IFT43: variants seen among roughly 807,000 people sequenced by gnomAD.
IFT43 encodes intraflagellar transport protein 43 homolog.
A neutral mutation model predicts 32.3 loss-of-function variants in IFT43; 33 were observed. That is an observed-to-expected ratio of 1.02 (90% CI 0.77 to 1.37). The LOEUF (loss-of-function observed/expected upper bound fraction) is 1.37. Among genes scored for constraint, IFT43 ranks in the 40% most tolerant of loss-of-function variants. The probability of loss-of-function intolerance (pLI) is 0.00; values close to 1 mark genes in which losing one functional copy is unlikely to be tolerated. For missense variants in IFT43, 274 were observed against 265.9 expected (o/e 1.03, Z -0.21); for synonymous variants, 93 against 98.2 (o/e 0.95, Z 0.31).
At chr14:76,012,203 A>G (rs1228936191) in intron 2 of IFT43, among the ~76,000 whole-genome samples, 1 of 152,184 alleles carries the variant, frequency 6.6e-6, no homozygotes, top group Non-Finnish European at 1.5e-5. Flanking sequence ...TTTTGGGGTT[A>G]GGGTGGAGTT....
At chr14:76,056,934 C>A (rs1248126789) in intron 3 of IFT43, among the ~76,000 whole-genome samples, 1 of 152,216 alleles carries the variant, frequency 6.6e-6, no homozygotes, top group Non-Finnish European at 1.5e-5. Context: ...ATGCCCTGGG[C>A]ACCCTGCAGT....
chr14:75,998,629 G>C (rs941855505), intron 2 of IFT43, among the ~76,000 whole-genome samples: 14 of 152,316 alleles, frequency 9.2e-5, no homozygotes, highest in African/African-American at 2.6e-4. Context: ...TGAGGGGTCA[G>C]CAGTGTTTGA....
chr14:76,038,353 C>T (rs1009301461), intron 3 of IFT43, among the ~76,000 whole-genome samples: 1 of 152,248 alleles, frequency 6.6e-6, no homozygotes, highest in South Asian at 2.1e-4. Flanking sequence ...TCAATTTCAC[C>T]GTCATGCATT....
At chr14:76,033,495 G>T (rs1178399920) in intron 3 of IFT43, among the ~76,000 whole-genome samples, 1 of 152,176 alleles carries the variant, frequency 6.6e-6, no homozygotes, top group African/African-American at 2.4e-5. Context: ...GGACTTTAGA[G>T]AATTTCCTTT....
chr14:76,075,838 G>T (rs1432581233), intron 5 of IFT43, among the ~76,000 whole-genome samples: 1 of 152,204 alleles, frequency 6.6e-6, no homozygotes, highest in Non-Finnish European at 1.5e-5. Context: ...GATGCAGAAG[G>T]TAACAGCATT....
chr14:76,007,632 T>TA (rs765826587), intron 2 of IFT43, among the ~76,000 whole-genome samples: 2 of 152,074 alleles, frequency 1.3e-5, no homozygotes, highest in Non-Finnish European at 2.9e-5. Context: ...CCTTCAATAT[T>TA]ATGCACATTT....
At chr14:76,008,790 T>C (rs894303315) in intron 2 of IFT43, among the ~76,000 whole-genome samples, 1 of 152,254 alleles carries the variant, frequency 6.6e-6, no homozygotes, top group African/African-American at 2.4e-5. Flanking sequence ...AGATTTATAC[T>C]GAATGCAGCC....
intron 2 of IFT43, among the ~76,000 whole-genome samples, chr14:76,008,430 T>C (rs767786376): frequency 1.3e-5 from 2 of 152,192 alleles, no homozygotes; most frequent in African/African-American, 2.4e-5. Context: ...AGGAGTCTAC[T>C]CTATGCCAGG....
chr14:75,992,116 C>G (rs373692937), intron 2 of IFT43, among the ~76,000 whole-genome samples: 29 of 152,268 alleles, frequency 1.9e-4, no homozygotes, highest in African/African-American at 2.6e-4. Context: ...GAAATTAGTT[C>G]AAACACATGG....
chr14:76,022,601 T>A, intron 3 of IFT43: 2 of 410,234 alleles, frequency 4.9e-6, no homozygotes, highest in South Asian at 9.0e-5. Flanking sequence ...TTACAACATT[T>A]TCATCACCTC....
At position 76,038,321 on chromosome 14, in the gene IFT43, A is replaced by G. The variant is rs188761775; in HGVS notation, c.215+15927A>G. ...GTGGTTTTTGGAGATGCTCGTGTGAACTCTCTGCTTGGATCTCTGTCTCAA... is the reference window on the plus strand; with the variant it reads ...GTGGTTTTTGGAGATGCTCGTGTGAGCTCTCTGCTTGGATCTCTGTCTCAA... On this transcript the variant is annotated intron_variant, in intron 3 of 8. Coordinates refer to ENST00000314067, the MANE Select transcript of IFT43 (RefSeq NM_001102564.3). Among the ~76,000 whole-genome samples, 142 of 151,684 alleles carry G rather than the reference A, an allele frequency of 9.4e-4. 2 individuals carry two copies. The highest frequency in any genetic ancestry group is 1.2e-3 in the East Asian group (6 of 5,152).
At chr14:76,037,579 T>G (rs1267285322) in intron 3 of IFT43, among the ~76,000 whole-genome samples, 3 of 152,214 alleles carry the variant, frequency 2.0e-5, no homozygotes, top group Non-Finnish European at 4.4e-5. Context: ...TTTAAAAAAT[T>G]TCAAACCTAT....
chr14:76,051,085 G>T (rs1594846998), intron 3 of IFT43, among the ~76,000 whole-genome samples: 1 of 151,530 alleles, frequency 6.6e-6, no homozygotes, highest in Admixed American at 6.6e-5. Flanking sequence ...CAGTCTACCA[G>T]ACATCTTACT....
chr14:75,995,912 G>A (rs1218140161), intron 2 of IFT43, among the ~76,000 whole-genome samples: 1 of 152,208 alleles, frequency 6.6e-6, no homozygotes, highest in East Asian at 1.9e-4. Flanking sequence ...CCCTTGGAGT[G>A]TGCAGATGTG....
chr14:76,049,698 C>G (rs912762342), intron 3 of IFT43, among the ~76,000 whole-genome samples: 1 of 141,124 alleles, frequency 7.1e-6, no homozygotes, highest in African/African-American at 2.7e-5. Context: ...ACCCCCAACC[C>G]CCTTCTTTCT....
intron 2 of IFT43, among the ~76,000 whole-genome samples, chr14:75,994,760 CTT>C (rs2035712013): frequency 6.6e-6 from 1 of 152,200 alleles, no homozygotes; most frequent in African/African-American, 2.4e-5. Flanking sequence ...TGATGTATAG[CTT>C]TCTCTAGGGA....
At chr14:76,062,797 A>T (rs778849861) in intron 5 of IFT43, among the ~76,000 whole-genome samples, 1 of 151,260 alleles carries the variant, frequency 6.6e-6, no homozygotes, top group Non-Finnish European at 1.5e-5. Flanking sequence ...GGCACCTGTA[A>T]TCCCAGCTAC....
At chr14:76,061,634 T>C (rs1252065747) in intron 5 of IFT43, among the ~76,000 whole-genome samples, 1 of 152,240 alleles carries the variant, frequency 6.6e-6, no homozygotes, top group Non-Finnish European at 1.5e-5. Flanking sequence ...TCACATATTT[T>C]TTTCAGTTCT....
At chr14:76,045,555 A>C (rs1012831148) in intron 3 of IFT43, among the ~76,000 whole-genome samples, 5 of 152,202 alleles carry the variant, frequency 3.3e-5, no homozygotes, top group African/African-American at 1.2e-4. Context: ...TCCAGGGCTT[A>C]GCAGCCCGGG....
Sources: gnomAD v4.1 joint callset for allele counts (sites outside exome capture counted in the v4.1 genomes callset) on GRCh38, gnomAD v4.1.1 for gene constraint, MANE v1.5 for transcripts, NCBI Gene and HGNC (gene_info 2026-07-23, HGNC 2026-07-21) for gene names.